MAX: variants seen among roughly 807,000 people sequenced by gnomAD.
MAX encodes the protein protein max.
Under a neutral mutation model 22.3 loss-of-function variants are expected in MAX, and 3 were observed. The ratio of observed to expected loss-of-function variants is 0.13; its 90% CI spans 0.06 to 0.35. MAX has a LOEUF of 0.35. Ranked by LOEUF, MAX falls within the 10% of genes least tolerant of loss-of-function variation. The probability of loss-of-function intolerance (pLI) is 1.00; values close to 1 mark genes in which losing one functional copy is unlikely to be tolerated. For missense variants in MAX, 119 were observed against 209.4 expected (o/e 0.57, Z 2.66); for synonymous variants, 72 against 77.7 (o/e 0.93, Z 0.39).
intron 3 of MAX, among the ~76,000 whole-genome samples, chr14:65,024,064 T>C (rs2061936165): frequency 6.7e-6 from 1 of 149,636 alleles, no homozygotes; most frequent in Admixed American, 6.7e-5. Flanking sequence ...ATCGCTCAAC[T>C]GCACTCCAGC....
intron 3 of MAX, among the ~76,000 whole-genome samples, chr14:65,041,834 CA>C (rs1482339726): frequency 6.6e-6 from 1 of 152,112 alleles, no homozygotes; most frequent in African/African-American, 2.4e-5. Flanking sequence ...AAAATCTGAA[CA>C]CCAATAAGGC....
At position 65,028,761 on chromosome 14, in the gene MAX, G is replaced by A. The variant is rs1463795089; in HGVS notation, c.172-22477C>T. ...TGTATACCAGTGAAACCAGTAGAAC[G>A]ACTGAGGTAAATCAGTATGTGTTGA... On this transcript the variant is annotated intron_variant, in intron 3 of 3. Transcript: ENST00000341653. This position sits in a 1 kb window ranked among gnomAD's most constrained non-coding sequence, Gnocchi z 4.4. Among the ~76,000 whole-genome samples, 1 of 152,178 alleles carries A rather than the reference G, an allele frequency of 6.6e-6. No individual in the cohort carries two copies. Among genetic ancestry groups the A allele is most frequent in the Non-Finnish European group, 1.5e-5 (1 of 68,028 alleles).
At chr14:65,013,557 T>C (rs1399544680) in intron 3 of MAX, among the ~76,000 whole-genome samples, 1 of 152,194 alleles carries the variant, frequency 6.6e-6, no homozygotes, top group Admixed American at 6.5e-5. Context: ...ATGCATTCTC[T>C]CATAATTTAT....
intron 3 of MAX, chr14:65,090,660 AC>A (rs904151647): frequency 6.6e-6 from 1 of 152,066 alleles, no homozygotes; most frequent in African/African-American, 2.4e-5. Flanking sequence ...AAGCATCACC[AC>A]GCCCAACTAA....
In MAX at chr14:65,093,900, C is replaced by T. The variant is rs1008627162; in HGVS notation, c.64-85G>A. 19 of 825,750 alleles carry T rather than the reference C, an allele frequency of 2.3e-5. No individual in the cohort carries two copies. The highest frequency in any genetic ancestry group is 1.2e-4 in the African/African-American group (7 of 60,108). The allele number at this position is 825,750 out of a possible 1,614,324, so 51.2% of individuals were successfully genotyped here. A position where few individuals can be genotyped will look rare whatever the true frequency, so the allele number is the denominator to read the frequency against. On this transcript the variant is annotated intron_variant, in intron 2 of 4. Coordinates refer to ENST00000358664, the MANE Select transcript of MAX (RefSeq NM_002382.5). This position sits in a 1 kb window ranked among gnomAD's most constrained non-coding sequence, Gnocchi z 4.4. ...GGGTGGGGTACAGCCTGGAAGTACA[C>T]GCTGTCAGCACTGTCCCTGGCGAGT...
At chr14:65,016,601 C>T (rs1298645472) in intron 3 of MAX, 1 of 152,288 alleles carries the variant, frequency 6.6e-6, no homozygotes, top group African/African-American at 2.4e-5. Context: ...CCTCTCTGGT[C>T]ACAGAGCCCC....
intron 2 of MAX, among the ~76,000 whole-genome samples, chr14:65,099,439 T>C (rs2063763865): frequency 2.6e-5 from 4 of 151,354 alleles, no homozygotes; most frequent in Admixed American, 2.6e-4. Context: ...AGAAACATTA[T>C]AATAATTTAA....
chr14:65,063,147 GTC>G (rs539764468), intron 3 of MAX, among the ~76,000 whole-genome samples: 1 of 152,346 alleles, frequency 6.6e-6, no homozygotes, highest in East Asian at 1.9e-4. Flanking sequence ...AGAAGATGGT[GTC>G]CTTAGAGGGC....
chr14:65,088,811 A>G lies in MAX; in HGVS notation c.171+4897T>C, dbSNP rs2063416028. On this transcript the variant is annotated intron_variant, in intron 3 of 4. Transcript: ENST00000358664. The surrounding 1 kb of genome is among the most constrained non-coding windows in gnomAD (Gnocchi z 5.2). ...TCATTTAATAATCACACAAATATAT[A>G]TAAAACCTCATATATTAAGTATAAT... 6.6e-6 allele frequency among the ~76,000 whole-genome samples: 1 copy of G among 152,234 alleles called. No homozygotes were observed. Among genetic ancestry groups the G allele is most frequent in the Admixed American group, 6.5e-5 (1 of 15,286 alleles).
rs2062340292 is a variant in MAX, at chr14:65,040,998, G to T, written c.172-34714C>A. ...TTGTACTCAGACATGCAGGCTTCAG[G>T]AGAGTTTGGCTATGGGAAGGGCTAA... On this transcript the variant is annotated intron_variant, in intron 3 of 3. Coordinates refer to the MAX transcript ENST00000341653. 5 of 1,566,366 alleles carry T rather than the reference G, an allele frequency of 3.2e-6. No homozygotes were observed. In the African/African-American group the frequency reaches 5.4e-5, roughly 17 times the overall value.
chr14:65,015,774 AT>A, intron 3 of MAX: 4 of 1,579,296 alleles, frequency 2.5e-6, no homozygotes, highest in Admixed American at 1.7e-5. Flanking sequence ...TGAGTTTGGG[AT>A]TTTGTTTTGT....
chr14:65,072,820 TG>T (rs1566593586), downstream of MAX, among the ~76,000 whole-genome samples: 1 of 152,238 alleles, frequency 6.6e-6, no homozygotes, highest in Non-Finnish European at 1.5e-5. Context: ...ATCTAATTAA[TG>T]TACCCACAGG....
rs1388483549 is a variant in MAX, at chr14:65,016,927, T to TG, written c.172-10644_172-10643insC. ...CAAAGAAAGGCCCACGTGGTTTTTT[T>TG]TTTTTTTTTTTTTGAGACAGAGTTT... On this transcript the variant is annotated intron_variant, in intron 3 of 3. Coordinates refer to the MAX transcript ENST00000341653. 3.1e-4 allele frequency among the ~76,000 whole-genome samples: 45 copies of TG among 145,738 alleles called. No homozygotes were observed. In the East Asian group the frequency reaches 7.5e-3, roughly 24 times the overall value.
intron 2 of MAX, among the ~76,000 whole-genome samples, chr14:65,100,322 C>T (rs1450585864): frequency 6.6e-5 from 10 of 152,102 alleles, no homozygotes; most frequent in African/African-American, 9.6e-5. Flanking sequence ...TGGTGGCACG[C>T]GCCTGTAGTC....
At chr14:65,081,973 G>T (rs557740191) in intron 3 of MAX, 2 of 152,330 alleles carry the variant, frequency 1.3e-5, no homozygotes, top group African/African-American at 4.8e-5. Flanking sequence ...GCTGCACATA[G>T]CAACACAAGT....
chr14:65,015,669 C>T (rs770706605), intron 3 of MAX: 8 of 1,614,190 alleles, frequency 5.0e-6, no homozygotes, highest in Non-Finnish European at 6.8e-6. Flanking sequence ...GGATCCTGCA[C>T]AGCTTGGAAC....
Position 65,062,678 on chromosome 14 carries a change from C to T in MAX, c.171+31030G>A, listed in dbSNP as rs929781423. ...TGATGTCTCTTATTTGTGATCTGTA[C>T]CAAGAAAATGCCCAATGGTAGGAGC... On this transcript the variant is annotated intron_variant, in intron 3 of 3. Coordinates refer to the MAX transcript ENST00000341653. The surrounding 1 kb of genome is among the most constrained non-coding windows in gnomAD (Gnocchi z 4.3). The T allele has an allele frequency of 6.6e-6, 1 of 152,542 alleles. No individual in the cohort carries two copies. Among genetic ancestry groups the T allele is most frequent in the African/African-American group, 2.4e-5 (1 of 41,410 alleles). 9.4% of individuals were successfully genotyped at this position (152,542 alleles called of 1,614,324 possible). A position where few individuals can be genotyped will look rare whatever the true frequency, so the allele number is the denominator to read the frequency against.
chr14:65,058,417 T>C (rs1407964451), intron 3 of MAX, among the ~76,000 whole-genome samples: 1 of 152,176 alleles, frequency 6.6e-6, no homozygotes, highest in African/African-American at 2.4e-5. Flanking sequence ...TTGAACTCTT[T>C]AATAGTTTTA....
Position 65,027,404 on chromosome 14 carries a change from G to C in MAX, c.172-21120C>G, listed in dbSNP as rs752718240. The C allele has an allele frequency of 1.3e-5, 21 of 1,604,386 alleles. No homozygotes were observed. The Middle Eastern group carries it at 6.7e-4, about 51-fold the overall frequency. ...GAATCTAGTGGGAATTTGGTGTTTT[G>C]ACATGAATGCTCTCTGACTTTGTTT... On this transcript the variant is annotated intron_variant, in intron 3 of 3. Transcript: ENST00000341653. The surrounding 1 kb of genome is among the most constrained non-coding windows in gnomAD (Gnocchi z 5.7).
Sources: allele counts gnomAD v4.1 joint callset (sites outside exome capture counted in the v4.1 genomes callset), GRCh38; gene constraint gnomAD v4.1.1; non-coding constraint Gnocchi (gnomAD v3.1); transcripts MANE v1.5; gene names NCBI Gene and HGNC (gene_info 2026-07-23, HGNC 2026-07-21).